The following MTDH variants were observed in gnomAD, a reference collection of about 807,000 sequenced individuals.
The protein encoded by MTDH is protein LYRIC.
In MTDH, 34 loss-of-function variants were observed where a neutral mutation model predicts 72.7. The ratio of observed to expected loss-of-function variants is 0.47; its 90% CI spans 0.36 to 0.62. MTDH has a LOEUF of 0.62. Among genes scored for constraint, MTDH ranks in the 20% least tolerant of loss-of-function variants. The probability of loss-of-function intolerance (pLI) is 0.00; values close to 1 mark genes in which losing one functional copy is unlikely to be tolerated. For synonymous variants in MTDH, 266 were observed against 268.9 expected (o/e 0.99, Z 0.10); for missense variants, 677 against 699.4 (o/e 0.97, Z 0.36).
chr8:97,718,217 A>G (rs1814954473), intron 9 of MTDH, among the ~76,000 whole-genome samples: 1 of 151,038 alleles, frequency 6.6e-6, no homozygotes, highest in South Asian at 2.1e-4. Context: ...TAATTTTTGT[A>G]TTTTTATTAC....
At chr8:97,698,732 A>C (rs1813976885) in intron 6 of MTDH, among the ~76,000 whole-genome samples, 1 of 152,196 alleles carries the variant, frequency 6.6e-6, no homozygotes, top group African/African-American at 2.4e-5. Context: ...TCCCTCTTTC[A>C]AGGTTCTGAG....
chr8:97,717,157 T>C (rs759032206), intron 9 of MTDH, among the ~76,000 whole-genome samples: 3 of 152,188 alleles, frequency 2.0e-5, no homozygotes, highest in Non-Finnish European at 2.9e-5. Context: ...CCTAAATATA[T>C]AGAAAATTTT....
At chr8:97,668,591 G>A (rs981121550) in intron 2 of MTDH, among the ~76,000 whole-genome samples, 2 of 151,664 alleles carry the variant, frequency 1.3e-5, no homozygotes, top group African/African-American at 2.4e-5. Context: ...TCTAGCTCTT[G>A]TCACCCAGGC....
At chr8:97,687,298 A>G (rs1428930997) in intron 3 of MTDH, 131 bp from the exon 4 acceptor site, 1 of 655,966 alleles carries the variant, frequency 1.5e-6, no homozygotes, top group African/African-American at 1.9e-5. Flanking sequence ...TATAATCAAC[A>G]CTCTTGGTTT....
At chr8:97,647,360 A>G (rs1397129562) in intron 1 of MTDH, among the ~76,000 whole-genome samples, 1 of 152,194 alleles carries the variant, frequency 6.6e-6, no homozygotes, top group Non-Finnish European at 1.5e-5. Context: ...CCAGGAATTC[A>G]AGAACGACCT....
Position 97,644,708 on chromosome 8 carries a change from G to GGCTACGGCTGGGCCGCGGCTT in MTDH, c.205_225dup (p.Tyr69_Cys75dup), listed in dbSNP as rs761875508. Reference sequence around the variant, plus strand: ...CGGGCTGCTGCTGCTGTTTCTGCTGGGCTACGGCTGGGCCGCGGCTTGCGC... The same window carrying GGCTACGGCTGGGCCGCGGCTT: ...CGGGCTGCTGCTGCTGTTTCTGCTGGGCTACGGCTGGGCCGCGGCTTGCTACGGCTGGGCCGCGGCTTGCGC... On this transcript the variant is annotated inframe_insertion, in exon 1 of 12. Transcript: ENST00000336273. 1 of 1,597,822 alleles carries GGCTACGGCTGGGCCGCGGCTT rather than the reference G, an allele frequency of 6.3e-7. No individual in the cohort carries two copies. Among genetic ancestry groups the GGCTACGGCTGGGCCGCGGCTT allele is most frequent in the South Asian group, 1.1e-5 (1 of 89,748 alleles).
At chr8:97,654,952 C>A (rs1028227955) in intron 1 of MTDH, among the ~76,000 whole-genome samples, 1 of 151,878 alleles carries the variant, frequency 6.6e-6, no homozygotes, top group Non-Finnish European at 1.5e-5. Flanking sequence ...ATTAACTAGG[C>A]ATGGTGGTGT....
chr8:97,667,831 TAAAA>T (rs542822923), intron 2 of MTDH, among the ~76,000 whole-genome samples: 1 of 116,308 alleles, frequency 8.6e-6, no homozygotes, highest in Non-Finnish European at 1.7e-5. Context: ...GTCTCTATAT[TAAAA>T]AAAAAAAAAA....
At chr8:97,705,975 A>G (rs922808563) in intron 7 of MTDH, among the ~76,000 whole-genome samples, 2 of 152,214 alleles carry the variant, frequency 1.3e-5, no homozygotes, top group Non-Finnish European at 2.9e-5. Context: ...AATAAAATTT[A>G]TTTTTGATAA....
chr8:97,681,426 G>A (rs1398662246), intron 2 of MTDH, among the ~76,000 whole-genome samples: 1 of 149,188 alleles, frequency 6.7e-6, no homozygotes, highest in Non-Finnish European at 1.5e-5. Context: ...TTTAAAGTAA[G>A]AATGAAAATT....
chr8:97,692,820 C>T (rs957390212), intron 6 of MTDH, among the ~76,000 whole-genome samples: 2 of 151,956 alleles, frequency 1.3e-5, no homozygotes, highest in Non-Finnish European at 2.9e-5. Flanking sequence ...ACCTCTGCCT[C>T]CTGGGTTCAA....
intron 2 of MTDH, among the ~76,000 whole-genome samples, chr8:97,662,497 T>A (rs528012555): frequency 1.8e-4 from 27 of 151,050 alleles, no homozygotes; most frequent in African/African-American, 6.5e-4. Context: ...ATGAAATGGT[T>A]GCTGCTGGCT....
chr8:97,699,448 A>G (rs950413047), intron 6 of MTDH, among the ~76,000 whole-genome samples: 1 of 151,000 alleles, frequency 6.6e-6, no homozygotes, highest in Middle Eastern at 3.4e-3. Flanking sequence ...AAAAAAAAAA[A>G]AGAGAGAAAT....
At chr8:97,697,497 T>G (rs1253820423) in intron 6 of MTDH, among the ~76,000 whole-genome samples, 2 of 147,126 alleles carry the variant, frequency 1.4e-5, no homozygotes, top group Non-Finnish European at 3.0e-5. Flanking sequence ...ACGATTCTCC[T>G]GCCTCGGCGT....
At chr8:97,703,537 A>G (rs183356488) in intron 7 of MTDH, among the ~76,000 whole-genome samples, 9 of 152,288 alleles carry the variant, frequency 5.9e-5, no homozygotes, top group South Asian at 2.1e-4. Context: ...ATGGACGGCA[A>G]TTTTCAAAAT....
chr8:97,693,874 C>T (rs1352517140), intron 6 of MTDH, among the ~76,000 whole-genome samples: 2 of 152,022 alleles, frequency 1.3e-5, no homozygotes, highest in Non-Finnish European at 2.9e-5. Context: ...TGCCACCACA[C>T]CTGGCTAATT....
rs766519133 is a variant in MTDH, at chr8:97,644,778, AGGC to A, written c.279_281del (p.Ala94del). On this transcript the variant is annotated inframe_deletion, in exon 1 of 12. Coordinates refer to ENST00000336273, the MANE Select transcript of MTDH (RefSeq NM_178812.4). ...AGGAGCCCGCCCCGCAAGCGGGAGG[AGGC>A]GGCGGCCGTGCCGGCCGCGGCCCCC... 125 of 1,547,830 alleles carry A rather than the reference AGGC, an allele frequency of 8.1e-5. No homozygotes were observed. In the East Asian group the frequency reaches 3.0e-3, roughly 38 times the overall value.
At chr8:97,663,038 T>C (rs1812236231) in intron 2 of MTDH, among the ~76,000 whole-genome samples, 1 of 151,564 alleles carries the variant, frequency 6.6e-6, no homozygotes, top group African/African-American at 2.4e-5. Context: ...ACATAAGGAG[T>C]GTGAGTTTAT....
intron 9 of MTDH, among the ~76,000 whole-genome samples, chr8:97,717,497 A>G (rs1814920671): frequency 6.6e-6 from 1 of 152,220 alleles, no homozygotes; most frequent in Admixed American, 6.5e-5. Context: ...TCAGAGTGGC[A>G]TGAGGCCCAC....
Sources: gnomAD v4.1 joint callset for allele counts (sites outside exome capture counted in the v4.1 genomes callset) on GRCh38, gnomAD v4.1.1 for gene constraint, MANE v1.5 for transcripts, NCBI Gene and HGNC (gene_info 2026-07-23, HGNC 2026-07-21) for gene names.